DLGAP2: variants seen among roughly 807,000 people sequenced by gnomAD.
DLGAP2 encodes the protein disks large-associated protein 2.
A neutral mutation model predicts 100.3 loss-of-function variants in DLGAP2; 26 were observed. The ratio of observed to expected loss-of-function variants is 0.26; its 90% CI spans 0.19 to 0.36. DLGAP2 has a LOEUF of 0.36. Ranked by LOEUF, DLGAP2 falls within the 10% of genes least tolerant of loss-of-function variation. DLGAP2 has a pLI of 1.00. For synonymous variants in DLGAP2, 886 were observed against 630.1 expected (o/e 1.41, Z -6.08); for missense variants, 1,858 against 1,453.2 (o/e 1.28, Z -4.53).
Position 1,586,135 on chromosome 8 carries a change from T to A in DLGAP2, c.1442+20241T>A, listed in dbSNP as rs1010793923. 3.3e-5 allele frequency among the ~76,000 whole-genome samples: 5 copies of A among 152,258 alleles called. No individual in the cohort carries two copies. The South Asian group carries it at 8.3e-4, about 25-fold the overall frequency. ...TGCAGGTCATGAGCCAACACGGGTT[T>A]CTCTGGGCTAAGGCCGAGGTGTCGG... is the stretch of plus-strand genomic sequence containing the variant. On this transcript the variant is annotated intron_variant, in intron 6 of 14. Coordinates refer to ENST00000637795, the MANE Select transcript of DLGAP2 (RefSeq NM_001346810.2).
intron 6 of DLGAP2, among the ~76,000 whole-genome samples, chr8:1,613,721 A>G (rs1319253530): frequency 6.6e-6 from 1 of 152,192 alleles, no homozygotes; most frequent in African/African-American, 2.4e-5. Context: ...CAGCAGCAGT[A>G]AAGCCCTTTT....
intron 2 of DLGAP2, among the ~76,000 whole-genome samples, chr8:971,875 A>G (rs974027227): frequency 6.6e-6 from 1 of 152,152 alleles, no homozygotes; most frequent in Admixed American, 6.5e-5. Flanking sequence ...AAAGCTAAGA[A>G]GCACTTGTGA....
chr8:1,596,035 C>A (rs184126403), intron 6 of DLGAP2, among the ~76,000 whole-genome samples: 1 of 149,778 alleles, frequency 6.7e-6, no homozygotes, highest in Admixed American at 6.7e-5. Flanking sequence ...TCCCCACCCC[C>A]CAACAGGCCC....
chr8:1,165,217 G>A (rs13264381), intron 2 of DLGAP2, among the ~76,000 whole-genome samples: 26,989 of 144,372 alleles, frequency 0.19, 2,573 homozygotes, highest in Middle Eastern at 0.35. Context: ...GGGGAGATGG[G>A]GGGGCGGGAG....
intron 7 of DLGAP2, among the ~76,000 whole-genome samples, chr8:1,627,268 G>C (rs1797529381): frequency 6.6e-6 from 1 of 152,198 alleles, no homozygotes; most frequent in Non-Finnish European, 1.5e-5. Context: ...CCTCTGAATT[G>C]TGCCTCAGAA....
chr8:1,159,139 TC>T (rs1796844820), intron 2 of DLGAP2, among the ~76,000 whole-genome samples: 2 of 152,222 alleles, frequency 1.3e-5, no homozygotes, highest in South Asian at 4.1e-4. Flanking sequence ...ATTTGTGTGA[TC>T]CTTGGAAAGA....
chr8:1,564,834 G>C (rs980484017), intron 5 of DLGAP2, among the ~76,000 whole-genome samples: 2 of 151,874 alleles, frequency 1.3e-5, no homozygotes, highest in Non-Finnish European at 2.9e-5. Flanking sequence ...TATATTGCAT[G>C]CACAGGCAGG....
intron 2 of DLGAP2, among the ~76,000 whole-genome samples, chr8:1,197,172 C>T (rs532303433): frequency 5.9e-5 from 9 of 152,328 alleles, no homozygotes; most frequent in South Asian, 2.1e-4. Context: ...CTGGAAACGC[C>T]GTCACAGACA....
At chr8:1,553,108 A>G (rs1027195848) in intron 5 of DLGAP2, among the ~76,000 whole-genome samples, 1 of 152,166 alleles carries the variant, frequency 6.6e-6, no homozygotes, top group African/African-American at 2.4e-5. Context: ...TCCTGGCGGC[A>G]TCAGATGGAG....
intron 2 of DLGAP2, among the ~76,000 whole-genome samples, chr8:1,228,523 C>G (rs184716852): frequency 2.2e-4 from 34 of 152,296 alleles, no homozygotes; most frequent in African/African-American, 7.7e-4. Context: ...AAACCAGTGC[C>G]TCTTATGAAT....
At chr8:1,376,920 C>G (rs1331208615) in intron 3 of DLGAP2, among the ~76,000 whole-genome samples, 1 of 152,230 alleles carries the variant, frequency 6.6e-6, no homozygotes, top group East Asian at 1.9e-4. Flanking sequence ...GTCATGGCCC[C>G]TTCTGCAGAC....
At chr8:1,480,655 G>C (rs894533870) in intron 3 of DLGAP2, among the ~76,000 whole-genome samples, 1 of 145,092 alleles carries the variant, frequency 6.9e-6, no homozygotes, top group African/African-American at 2.5e-5. Context: ...TTCTAGACCA[G>C]CCTGACCAAT....
intron 3 of DLGAP2, among the ~76,000 whole-genome samples, chr8:1,342,315 T>C (rs1801435759): frequency 6.6e-6 from 1 of 152,158 alleles, no homozygotes; most frequent in African/African-American, 2.4e-5. Flanking sequence ...CCTCACATAT[T>C]ATTTCCAGCA....
At chr8:1,226,471 CAG>C (rs968370642) in intron 2 of DLGAP2, among the ~76,000 whole-genome samples, 1 of 152,158 alleles carries the variant, frequency 6.6e-6, no homozygotes, top group African/African-American at 2.4e-5. Flanking sequence ...AGGGGCCTGT[CAG>C]GGGGCAAGGG....
At chr8:767,472 G>A (rs1026321269) in intron 1 of DLGAP2, among the ~76,000 whole-genome samples, 2 of 149,960 alleles carry the variant, frequency 1.3e-5, no homozygotes, top group Admixed American at 6.8e-5. Context: ...AGCGATTCTC[G>A]TGCCTCAGTG....
chr8:789,445 C>T (rs978646333), intron 1 of DLGAP2, among the ~76,000 whole-genome samples: 7 of 152,152 alleles, frequency 4.6e-5, no homozygotes, highest in African/African-American at 1.4e-4. Context: ...AGGGGAAATC[C>T]ACCCCTGTGA....
At chr8:1,363,448 T>G (rs1382517610) in intron 3 of DLGAP2, among the ~76,000 whole-genome samples, 3 of 152,114 alleles carry the variant, frequency 2.0e-5, no homozygotes, top group African/African-American at 7.2e-5. Flanking sequence ...AAGCCCTCCG[T>G]CCCCCACACG....
chr8:1,156,137 A>C (rs1277545497), intron 2 of DLGAP2, among the ~76,000 whole-genome samples: 2 of 152,156 alleles, frequency 1.3e-5, no homozygotes, highest in Non-Finnish European at 2.9e-5. Context: ...GGGCTTCCCT[A>C]GGAGCCTCCC....
At chr8:1,213,707 G>A (rs1387352586) in intron 2 of DLGAP2, among the ~76,000 whole-genome samples, 1 of 151,986 alleles carries the variant, frequency 6.6e-6, no homozygotes, top group Non-Finnish European at 1.5e-5. Context: ...AATATCCAAG[G>A]GCCCTCTCCC....
Sources: gnomAD v4.1 joint callset for allele counts (sites outside exome capture counted in the v4.1 genomes callset) on GRCh38, gnomAD v4.1.1 for gene constraint, MANE v1.5 for transcripts, NCBI Gene and HGNC (gene_info 2026-07-23, HGNC 2026-07-21) for gene names.